RALYL: variants seen among roughly 807,000 people sequenced by gnomAD.
The protein encoded by RALYL is RALY RNA binding protein like.
RALYL carries 29 observed loss-of-function variants against 35.1 expected under a neutral mutation model. The ratio of observed to expected loss-of-function variants is 0.83; its 90% CI spans 0.61 to 1.13. RALYL has a LOEUF of 1.13. RALYL is among the 50% of genes most tolerant of loss of function. The pLI is 0.00. For missense variants in RALYL, 359 were observed against 360.4 expected, an observed-to-expected ratio of 1.00 and a Z score of 0.03; for synonymous variants, 120 against 127.6, an observed-to-expected ratio of 0.94 and a Z score of 0.40.
intron 1 of RALYL, among the ~76,000 whole-genome samples, chr8:84,193,638 GTATGGAGA>G (rs1227016950): frequency 6.6e-6 from 1 of 152,146 alleles, no homozygotes; most frequent in Non-Finnish European, 1.5e-5. Flanking sequence ...AAATTAACTG[GTATGGAGA>G]TAGGAGCTAG....
At chr8:84,768,678 G>A (rs1286296345) in intron 2 of RALYL, among the ~76,000 whole-genome samples, 1 of 152,192 alleles carries the variant, frequency 6.6e-6, no homozygotes, top group Non-Finnish European at 1.5e-5. Context: ...AGTTTCTACA[G>A]AATGCAAATT....
intron 2 of RALYL, among the ~76,000 whole-genome samples, chr8:84,663,495 G>C (rs1376116391): frequency 1.3e-5 from 2 of 151,854 alleles, no homozygotes; most frequent in African/African-American, 4.8e-5. Context: ...TTGCTTTTTG[G>C]CTTTTTAATA....
intron 2 of RALYL, among the ~76,000 whole-genome samples, chr8:84,606,585 A>G (rs1245399817): frequency 6.6e-6 from 1 of 152,172 alleles, no homozygotes; most frequent in Non-Finnish European, 1.5e-5. Flanking sequence ...TGAAGACATC[A>G]ATATATTTTA....
chr8:84,706,448 C>T (rs754878874), intron 2 of RALYL, among the ~76,000 whole-genome samples: 3 of 152,208 alleles, frequency 2.0e-5, no homozygotes, highest in East Asian at 1.9e-4. Context: ...TAAAACTTCT[C>T]GTTATTCATC....
intron 1 of RALYL, among the ~76,000 whole-genome samples, chr8:84,429,739 C>T (rs1255514052): frequency 6.6e-6 from 1 of 151,940 alleles, no homozygotes; most frequent in African/African-American, 2.4e-5. Flanking sequence ...GAGGTGGTGT[C>T]TGGGTGTTAG....
intron 1 of RALYL, among the ~76,000 whole-genome samples, chr8:84,430,085 G>T (rs1363293648): frequency 6.6e-6 from 1 of 151,404 alleles, no homozygotes; most frequent in Non-Finnish European, 1.5e-5. Flanking sequence ...TGTTAAATTT[G>T]CCACAGAAGA....
At chr8:84,621,391 A>C (rs912072511) in intron 2 of RALYL, among the ~76,000 whole-genome samples, 1 of 152,076 alleles carries the variant, frequency 6.6e-6, no homozygotes. Flanking sequence ...TTCTTTGACT[A>C]GGAAAGGGAA....
chr8:84,242,284 G>A (rs774251293), intron 1 of RALYL, among the ~76,000 whole-genome samples: 24 of 152,038 alleles, frequency 1.6e-4, no homozygotes, highest in Non-Finnish European at 2.6e-4. Context: ...CCATATTTTT[G>A]CTATTGTAAA....
At chr8:84,722,615 TTTTA>T (rs1271648978) in intron 2 of RALYL, among the ~76,000 whole-genome samples, 47 of 65,646 alleles carry the variant, frequency 7.2e-4, no homozygotes, top group African/African-American at 3.5e-3. Flanking sequence ...CCTAGAGTGA[TTTTA>T]TATATATATA....
chr8:84,856,488 T>C lies in RALYL; in HGVS notation c.414-5808T>C, dbSNP rs186063911. Among the ~76,000 whole-genome samples the C allele has an allele frequency of 2.0e-4, 30 of 152,306 alleles. 1 individual carries two copies. In the East Asian group the frequency reaches 5.6e-3, roughly 28 times the overall value. On this transcript the variant is annotated intron_variant, in intron 5 of 8. Coordinates refer to ENST00000521268, the MANE Select transcript of RALYL (RefSeq NM_173848.7). The stretch of plus-strand genomic sequence containing the variant: ...CAATCAACTTGCCTTTAAAAGCATG[T>C]TCAAGAAGTATTTCCGTGTGATCCA...
chr8:84,789,726 T>C (rs1232461619), intron 3 of RALYL, among the ~76,000 whole-genome samples: 2 of 152,074 alleles, frequency 1.3e-5, no homozygotes, highest in African/African-American at 2.4e-5. Flanking sequence ...GGTGTGGTCA[T>C]GTACACTTGT....
chr8:84,702,090 A>G (rs957173601), intron 2 of RALYL, among the ~76,000 whole-genome samples: 32 of 152,224 alleles, frequency 2.1e-4, no homozygotes, highest in African/African-American at 6.5e-4. Context: ...TACGTACATC[A>G]TAGGACTGTT....
chr8:84,870,574 A>G (rs1840020610), intron 6 of RALYL, among the ~76,000 whole-genome samples: 2 of 46,862 alleles, frequency 4.3e-5, no homozygotes, highest in Admixed American at 6.1e-4. Context: ...AAATATCTGT[A>G]ATGTATATAT....
chr8:84,678,366 C>A (rs190499857), intron 2 of RALYL, among the ~76,000 whole-genome samples: 1 of 152,096 alleles, frequency 6.6e-6, no homozygotes, highest in Non-Finnish European at 1.5e-5. Context: ...CAGGTTCAAG[C>A]GATTCTCCTG....
chr8:84,654,310 T>TACAC (rs1479225554), intron 2 of RALYL, among the ~76,000 whole-genome samples: 4 of 134,722 alleles, frequency 3.0e-5, no homozygotes, highest in African/African-American at 1.1e-4. Flanking sequence ...TATATATATA[T>TACAC]ATATCATGTA....
chr8:84,709,614 T>A (rs550400265), intron 2 of RALYL, among the ~76,000 whole-genome samples: 276 of 150,326 alleles, frequency 1.8e-3, no homozygotes, highest in African/African-American at 3.4e-3. Context: ...TTCTTTTTTT[T>A]AAAAAAAAAA....
intron 2 of RALYL, among the ~76,000 whole-genome samples, chr8:84,773,101 C>T (rs1316003777): frequency 1.3e-5 from 2 of 152,070 alleles, no homozygotes; most frequent in Non-Finnish European, 2.9e-5. Context: ...GGCATAGTGA[C>T]CTGTGCCCGC....
intron 6 of RALYL, among the ~76,000 whole-genome samples, chr8:84,862,994 A>G (rs1261331586): frequency 2.0e-5 from 3 of 152,218 alleles, no homozygotes; most frequent in Non-Finnish European, 4.4e-5. Flanking sequence ...GTTTCACATT[A>G]ATTAGTAAAA....
At chr8:84,422,039 G>C (rs948348305) in intron 1 of RALYL, among the ~76,000 whole-genome samples, 1 of 152,062 alleles carries the variant, frequency 6.6e-6, no homozygotes, top group Admixed American at 6.6e-5. Context: ...CCTGACTTTG[G>C]TATCAGGATG....
Sources: gnomAD v4.1 joint callset for allele counts (sites outside exome capture counted in the v4.1 genomes callset) on GRCh38, gnomAD v4.1.1 for gene constraint, MANE v1.5 for transcripts, NCBI Gene and HGNC (gene_info 2026-07-23, HGNC 2026-07-21) for gene names.